The following SPATA13 variants were observed in gnomAD, a reference collection of about 807,000 sequenced individuals.
SPATA13 encodes the protein spermatogenesis-associated protein 13.
In SPATA13, 50 loss-of-function variants were observed where a neutral mutation model predicts 104.0. The ratio of observed to expected loss-of-function variants is 0.48; its 90% CI spans 0.38 to 0.61. The LOEUF is 0.61. SPATA13 is among the 20% of genes least tolerant of loss of function. The pLI, the probability that SPATA13 is intolerant of heterozygous loss-of-function variation, is 0.00. For synonymous variants in SPATA13, 606 were observed against 667.5 expected, an observed-to-expected ratio of 0.91 and a Z score of 1.42; for missense variants, 1,524 against 1,690.6, an observed-to-expected ratio of 0.90 and a Z score of 1.73.
intron 3 of SPATA13, among the ~76,000 whole-genome samples, chr13:24,028,952 AT>A (rs1877355081): frequency 6.8e-6 from 1 of 147,440 alleles, no homozygotes; most frequent in African/African-American, 2.5e-5. Flanking sequence ...ACATCTAATA[AT>A]TTTACTTCCT....
At chr13:24,155,559 A>G (rs1456669836) in intron 3 of SPATA13, among the ~76,000 whole-genome samples, 1 of 152,184 alleles carries the variant, frequency 6.6e-6, no homozygotes, top group Non-Finnish European at 1.5e-5. Context: ...GGAAGCTTAC[A>G]GGGCTTTCAG....
intron 3 of SPATA13, among the ~76,000 whole-genome samples, chr13:24,124,382 T>G (rs769509282): frequency 1.3e-5 from 2 of 152,182 alleles, no homozygotes; most frequent in African/African-American, 2.4e-5. Flanking sequence ...GAAAGCTCTT[T>G]CAGGACACAG....
At chr13:24,048,349 G>A (rs897150674) in intron 3 of SPATA13, among the ~76,000 whole-genome samples, 2 of 152,108 alleles carry the variant, frequency 1.3e-5, no homozygotes, top group Non-Finnish European at 2.9e-5. Context: ...AAAGCAACAT[G>A]TAACTAAACA....
rs374176784 is a variant in SPATA13, at chr13:24,251,829, G to A, written c.2131G>A (p.Val711Met). The A allele has an allele frequency of 6.2e-7, 1 of 1,613,956 alleles. No individual in the cohort carries two copies. Among genetic ancestry groups the A allele is most frequent in the African/African-American group, 1.3e-5 (1 of 74,930 alleles). Residue 711 changes from valine to methionine, a missense_variant, in exon 4 of 13, where the codon GTG (valine) becomes ATG (methionine). Coordinates refer to ENST00000382108, the MANE Select transcript of SPATA13 (RefSeq NM_001166271.3). Reference sequence around the variant, plus strand: ...GAGCACCCCCATTGGGTTGGACCGTGTGGGACGCCGGCGGCAGATGAGAGC... The same window carrying A: ...GAGCACCCCCATTGGGTTGGACCGTATGGGACGCCGGCGGCAGATGAGAGC... Reference protein sequence around the residue: ...SQSTPIGLDRVGRRRQMRASN... With the variant: ...SQSTPIGLDRMGRRRQMRASN...
chr13:24,143,440 C>T (rs1881826922), intron 3 of SPATA13, among the ~76,000 whole-genome samples: 1 of 152,226 alleles, frequency 6.6e-6, no homozygotes, highest in Non-Finnish European at 1.5e-5. Flanking sequence ...TAAAAATCCG[C>T]AGCTGCTGGC....
chr13:24,082,672 T>C (rs2137779800), intron 3 of SPATA13, among the ~76,000 whole-genome samples: 1 of 150,194 alleles, frequency 6.7e-6, no homozygotes, highest in Admixed American at 6.6e-5. Context: ...TACAAAAAAT[T>C]AGCCGGGCGC....
chr13:24,198,885 T>C (rs904729595), intron 1 of SPATA13, among the ~76,000 whole-genome samples: 2 of 152,074 alleles, frequency 1.3e-5, no homozygotes, highest in African/African-American at 4.8e-5. Context: ...TGCAGGACCT[T>C]TTCTGCTGTT....
rs532075229 is a variant in SPATA13, at chr13:24,147,975, T to A, written c.-111-74844T>A. Among the ~76,000 whole-genome samples, 387 of 152,340 alleles carry A rather than the reference T, an allele frequency of 2.5e-3. 11 individuals are homozygous for A. In the South Asian group the frequency reaches 0.077, roughly 30 times the overall value. Reference sequence around the variant, plus strand: ...TATTCTATTGTATGTATACACCACATTTTTTTAATCCATTCATCCACCACT... The same window carrying A: ...TATTCTATTGTATGTATACACCACAATTTTTTAATCCATTCATCCACCACT... On this transcript the variant is annotated intron_variant, in intron 3 of 14. Transcript: ENST00000424834.
intron 3 of SPATA13, among the ~76,000 whole-genome samples, chr13:24,092,422 A>G (rs1270248108): frequency 2.6e-5 from 4 of 152,262 alleles, no homozygotes; most frequent in Non-Finnish European, 5.9e-5. Flanking sequence ...TGCAATTGGT[A>G]TAACTGGAAT....
chr13:24,169,314 C>T lies in SPATA13; in HGVS notation c.-112+8382C>T, dbSNP rs561503412. 2.0e-5 allele frequency among the ~76,000 whole-genome samples: 3 copies of T among 152,152 alleles called. No homozygotes were observed. In the South Asian group the frequency reaches 6.2e-4, roughly 32 times the overall value. ...TGAGGTGCTAACCCTGGAAAGCTCC[C>T]CTTGAGTTGAGTCTTAGACTCCTGG... is the stretch of plus-strand genomic sequence containing the variant. On this transcript the variant is annotated intron_variant, in intron 1 of 12. Coordinates refer to ENST00000382108, the MANE Select transcript of SPATA13 (RefSeq NM_001166271.3).
chr13:24,185,033 T>C lies in SPATA13; in HGVS notation c.-112+24101T>C, dbSNP rs555691979. ...TGGGGCCGTCTTTGAAAGGCACGTG[T>C]ATCGAGCATTGTGTTTTGCTTCTCC... is the stretch of plus-strand genomic sequence containing the variant. On this transcript the variant is annotated intron_variant, in intron 1 of 12. Coordinates refer to ENST00000382108, the MANE Select transcript of SPATA13 (RefSeq NM_001166271.3). 2.4e-3 allele frequency among the ~76,000 whole-genome samples: 370 copies of C among 152,290 alleles called. 1 individual carries two copies. Among genetic ancestry groups the C allele is most frequent in the African/African-American group, 8.6e-3 (359 of 41,558 alleles).
chr13:24,148,843 G>A (rs1882012495), intron 3 of SPATA13, among the ~76,000 whole-genome samples: 1 of 152,194 alleles, frequency 6.6e-6, no homozygotes, highest in South Asian at 2.1e-4. Context: ...GGTAGAACAA[G>A]GGAAGTAAGG....
chr13:24,018,412 G>T (rs1876815454), intron 3 of SPATA13, among the ~76,000 whole-genome samples: 1 of 152,208 alleles, frequency 6.6e-6, no homozygotes, highest in Non-Finnish European at 1.5e-5. Flanking sequence ...AACAAGTAAA[G>T]AATCTGAGGA....
At chr13:24,168,330 T>G (rs1882829357) in intron 1 of SPATA13, among the ~76,000 whole-genome samples, 1 of 152,208 alleles carries the variant, frequency 6.6e-6, no homozygotes, top group African/African-American at 2.4e-5. Flanking sequence ...ATGACATACA[T>G]GAAAAATATG....
intron 3 of SPATA13, among the ~76,000 whole-genome samples, chr13:24,107,034 A>G (rs969787510): frequency 4.0e-5 from 6 of 151,864 alleles, no homozygotes; most frequent in Non-Finnish European, 7.4e-5. Context: ...TAAGTACAAC[A>G]TGAAAAGATG....
intron 2 of SPATA13, among the ~76,000 whole-genome samples, chr13:24,226,600 T>C (rs1566161345): frequency 6.6e-6 from 1 of 152,244 alleles, no homozygotes; most frequent in Admixed American, 6.5e-5. Flanking sequence ...TGCAGATTAT[T>C]CTTCACATAC....
intron 3 of SPATA13, among the ~76,000 whole-genome samples, chr13:24,055,644 A>T (rs1047049367): frequency 5.3e-5 from 8 of 152,358 alleles, no homozygotes; most frequent in African/African-American, 1.7e-4. Flanking sequence ...AAGGGTTCCA[A>T]TACCAGCTCT....
chr13:24,233,905 A>T (rs1183564577), intron 2 of SPATA13, among the ~76,000 whole-genome samples: 1 of 151,878 alleles, frequency 6.6e-6, no homozygotes, highest in Non-Finnish European at 1.5e-5. Flanking sequence ...ACACACACAC[A>T]CACACACACA....
chr13:24,273,362 G>GCTCCTTAGA, intron 4 of SPATA13, among the ~76,000 whole-genome samples: 1 of 152,220 alleles, frequency 6.6e-6, no homozygotes, highest in East Asian at 1.9e-4. Context: ...ATTCTTCAAA[G>GCTCCTTAGA]CTCCTTAGAC....
Sources: gnomAD v4.1 joint callset for allele counts (sites outside exome capture counted in the v4.1 genomes callset) on GRCh38, gnomAD v4.1.1 for gene constraint, MANE v1.5 for transcripts, NCBI Gene and HGNC (gene_info 2026-07-23, HGNC 2026-07-21) for gene names.